The following KATNBL1 variants were observed in gnomAD, a reference collection of about 807,000 sequenced individuals.
The protein encoded by KATNBL1 is katanin regulatory subunit B1 like 1.
Under a neutral mutation model 44.7 loss-of-function variants are expected in KATNBL1, and 28 were observed. The observed-to-expected ratio is 0.63, with a 90% CI of 0.46 to 0.86. The LOEUF (loss-of-function observed/expected upper bound fraction) is 0.86. KATNBL1 is among the 40% of genes least tolerant of loss of function. The pLI is 0.00. For missense variants in KATNBL1, 272 were observed against 350.7 expected (o/e 0.78, Z 1.79); for synonymous variants, 78 against 114.9 (o/e 0.68, Z 2.06).
intron 1 of KATNBL1, among the ~76,000 whole-genome samples, chr15:34,196,459 C>A (rs1347170598): frequency 6.6e-6 from 1 of 151,020 alleles, no homozygotes; most frequent in East Asian, 2.0e-4. Flanking sequence ...GGGCGCGGTG[C>A]CTCATGCCTG....
chr15:34,181,186 T>C (rs1889514144), intron 1 of KATNBL1, among the ~76,000 whole-genome samples: 1 of 152,294 alleles, frequency 6.6e-6, no homozygotes, highest in East Asian at 1.9e-4. Flanking sequence ...CATTTGGATA[T>C]GCTGCACGTT....
At chr15:34,154,838 C>A (rs1044445872) in intron 2 of KATNBL1, 154 bp from the exon 3 acceptor site, 6 of 619,398 alleles carry the variant, frequency 9.7e-6, no homozygotes, top group African/African-American at 1.9e-5. Flanking sequence ...GCATACCGGG[C>A]ATGGGAGGAG....
chr15:34,164,772 G>C (rs768196034), intron 1 of KATNBL1, among the ~76,000 whole-genome samples: 13 of 152,208 alleles, frequency 8.5e-5, no homozygotes, highest in Non-Finnish European at 1.8e-4. Flanking sequence ...CGTTAATGTA[G>C]ATGGTGCTCA....
At chr15:34,186,578 G>T (rs958952521) in intron 1 of KATNBL1, among the ~76,000 whole-genome samples, 1 of 152,212 alleles carries the variant, frequency 6.6e-6, no homozygotes, top group Non-Finnish European at 1.5e-5. Context: ...AATTGGTGGG[G>T]TGGGAGCTCC....
At chr15:34,165,312 G>A (rs2140934373) in intron 1 of KATNBL1, among the ~76,000 whole-genome samples, 1 of 150,500 alleles carries the variant, frequency 6.6e-6, no homozygotes, top group Non-Finnish European at 1.5e-5. Context: ...ATGCTACAAT[G>A]TGAGATTTTT....
chr15:34,170,754 A>T (rs1358742744), intron 1 of KATNBL1, among the ~76,000 whole-genome samples: 1 of 152,202 alleles, frequency 6.6e-6, no homozygotes, highest in Non-Finnish European at 1.5e-5. Context: ...AGACCAATGG[A>T]ACAGAACAGA....
chr15:34,161,222 T>G (rs559176589), intron 2 of KATNBL1, among the ~76,000 whole-genome samples: 3 of 152,364 alleles, frequency 2.0e-5, no homozygotes, highest in Admixed American at 2.0e-4. Flanking sequence ...TACCTTGGTC[T>G]ATGCACAGGG....
At chr15:34,181,582 ACATATATATACACATATATATGTC>A (rs67054758) in intron 1 of KATNBL1, among the ~76,000 whole-genome samples, 10,591 of 58,280 alleles carry the variant, frequency 0.18, 1,389 homozygotes, top group East Asian at 0.26. Context: ...CCATATATAT[ACATATATATACACATATATATGTC>A]CATATATATA....
intron 1 of KATNBL1, among the ~76,000 whole-genome samples, chr15:34,206,223 T>C (rs1249568512): frequency 1.3e-5 from 2 of 152,128 alleles, no homozygotes; most frequent in African/African-American, 4.8e-5. Flanking sequence ...ATCTCATGAC[T>C]CATACATAGG....
chr15:34,182,150 G>A (rs1889586461), intron 1 of KATNBL1, among the ~76,000 whole-genome samples: 2 of 151,882 alleles, frequency 1.3e-5, no homozygotes, highest in South Asian at 2.1e-4. Context: ...TATTCTTAAC[G>A]AATACACTGT....
chr15:34,181,572 CCATATATATACATATATATACACAT>C (rs1889527637), intron 1 of KATNBL1, among the ~76,000 whole-genome samples: 6 of 133,140 alleles, frequency 4.5e-5, no homozygotes, highest in African/African-American at 1.8e-4. Context: ...ATATATATAT[CCATATATATACATATATATACACAT>C]ATATATGTCC....
rs140574285 is a variant in KATNBL1, at chr15:34,154,858, T to C, written c.118-174A>G. On this transcript the variant is annotated intron_variant, in intron 2 of 9. Transcript: ENST00000256544. ...CCGGGCATGGGAGGAGAAGGGGTTC[T>C]TATCCCTAATGCAGCTAGTCCCTAC... 259 of 596,680 alleles carry C rather than the reference T, an allele frequency of 4.3e-4. 2 individuals are homozygous for C. The Middle Eastern group carries it at 0.012, about 27-fold the overall frequency. 37.0% of individuals were successfully genotyped at this position (596,680 alleles called of 1,614,324 possible). A position where few individuals can be genotyped will look rare whatever the true frequency, so the allele number is the denominator to read the frequency against.
At chr15:34,164,637 T>C (rs1393079074) in intron 1 of KATNBL1, among the ~76,000 whole-genome samples, 1 of 152,250 alleles carries the variant, frequency 6.6e-6, no homozygotes, top group African/African-American at 2.4e-5. Context: ...AAGAAATTTG[T>C]GATTTTCTCA....
intron 9 of KATNBL1, 119 bp downstream of exon 9, chr15:34,145,279 A>T (rs1190490086): frequency 7.0e-7 from 1 of 1,430,710 alleles, no homozygotes; most frequent in Non-Finnish European, 9.3e-7. Context: ...TATGAAATTG[A>T]CTTTAGACAT....
At chr15:34,183,959 A>G (rs1170601522) in intron 1 of KATNBL1, among the ~76,000 whole-genome samples, 1 of 151,990 alleles carries the variant, frequency 6.6e-6, no homozygotes. Context: ...AGCTGAGGTC[A>G]GGAGTTCAAG....
chr15:34,168,556 C>T (rs1245095942), intron 1 of KATNBL1, among the ~76,000 whole-genome samples: 1 of 152,150 alleles, frequency 6.6e-6, no homozygotes, highest in Non-Finnish European at 1.5e-5. Flanking sequence ...CAAGGATGCC[C>T]AGGATTTGAA....
At chr15:34,189,945 TTC>T (rs1317281982) in intron 1 of KATNBL1, among the ~76,000 whole-genome samples, 2 of 101,456 alleles carry the variant, frequency 2.0e-5, no homozygotes, top group Non-Finnish European at 4.6e-5. Context: ...AAGAAGTACA[TTC>T]TTTTTTTTTT....
chr15:34,167,631 A>G (rs1889021126), intron 1 of KATNBL1, among the ~76,000 whole-genome samples: 1 of 152,182 alleles, frequency 6.6e-6, no homozygotes, highest in Admixed American at 6.5e-5. Flanking sequence ...AGCAACCCCA[A>G]GACACTTAAT....
chr15:34,149,428 CT>C (rs574775758), intron 4 of KATNBL1, among the ~76,000 whole-genome samples: 297 of 144,618 alleles, frequency 2.1e-3, no homozygotes, highest in Admixed American at 2.1e-3. Flanking sequence ...ACAGATCAAG[CT>C]TTTTTTTTTT....
Sources: allele counts gnomAD v4.1 joint callset (sites outside exome capture counted in the v4.1 genomes callset), GRCh38; gene constraint gnomAD v4.1.1; transcripts MANE v1.5; gene names NCBI Gene and HGNC (gene_info 2026-07-23, HGNC 2026-07-21).